CLTC: variants seen among roughly 807,000 people sequenced by gnomAD.
CLTC encodes the protein clathrin heavy chain 1.
Under a neutral mutation model 195.8 loss-of-function variants are expected in CLTC, and 16 were observed. The observed-to-expected ratio is 0.08, with a 90% CI of 0.06 to 0.12. CLTC has a LOEUF of 0.12. CLTC is among the 10% of genes least tolerant of loss of function. The pLI, the probability that CLTC is intolerant of heterozygous loss-of-function variation, is 1.00. For synonymous variants in CLTC, 667 were observed against 689.4 expected (o/e 0.97, Z 0.51); for missense variants, 796 against 2,027.0 (o/e 0.39, Z 11.66).
rs549330807 is a variant in CLTC at position 59,691,636 on chromosome 17, T to A, written c.4903+925T>A. Among the ~76,000 whole-genome samples the A allele has an allele frequency of 1.7e-3, 245 of 146,312 alleles. 1 individual carries two copies. Among genetic ancestry groups the A allele is most frequent in the East Asian group, 5.0e-3 (24 of 4,798 alleles). ...AAGACTCCGCCTTAAAAAAAAAATA[T>A]ATATATATATATACATATATATATA... On this transcript the variant is annotated intron_variant, in intron 31 of 31. Transcript: ENST00000269122.
intron 17 of CLTC, among the ~76,000 whole-genome samples, chr17:59,677,531 C>G (rs1456676588): frequency 6.6e-6 from 1 of 152,168 alleles, no homozygotes; most frequent in Non-Finnish European, 1.5e-5. Context: ...CCTTATACCC[C>G]TTCCGAGTGT....
At chr17:59,656,206 G>C in intron 6 of CLTC, 179 bp downstream of exon 6, 2 of 531,846 alleles carry the variant, frequency 3.8e-6, no homozygotes, top group South Asian at 5.1e-5. Context: ...ATATATCAAA[G>C]CACGATGTAA....
At chr17:59,689,513 C>G (rs976198562) in intron 30 of CLTC, 2 of 151,900 alleles carry the variant, frequency 1.3e-5, no homozygotes, top group African/African-American at 4.8e-5. Context: ...ACCTTGGCCC[C>G]CCGTCTCATG....
chr17:59,645,645 T>C (rs1463922388), intron 2 of CLTC, among the ~76,000 whole-genome samples: 1 of 152,236 alleles, frequency 6.6e-6, no homozygotes, highest in African/African-American at 2.4e-5. Context: ...TTGACTTTTC[T>C]TTACATGATT....
At position 59,681,879 on chromosome 17, in the gene CLTC, G is replaced by T. The variant is rs1006742688; in HGVS notation, c.3442+40G>T. ...CTTATGTATTGAAACCTCATAAAAT[G>T]ATTAAGCTAAGCATTAAGATATCTG... On this transcript the variant is annotated intron_variant, in intron 21 of 31. Transcript: ENST00000269122. This position sits in a 1 kb window ranked among gnomAD's most constrained non-coding sequence, Gnocchi z 5.0. The T allele has an allele frequency of 6.6e-7, 1 of 1,523,830 alleles. No individual in the cohort carries two copies. Among genetic ancestry groups the T allele is most frequent in the South Asian group, 1.2e-5 (1 of 81,964 alleles). 94.4% of individuals were successfully genotyped at this position (1,523,830 alleles called of 1,614,324 possible). A position where few individuals can be genotyped will look rare whatever the true frequency, so the allele number is the denominator to read the frequency against.
chr17:59,629,696 A>G (rs2031656115), intron 1 of CLTC, among the ~76,000 whole-genome samples: 1 of 151,300 alleles, frequency 6.6e-6, no homozygotes, highest in Admixed American at 6.6e-5. Context: ...GATTTTTGTA[A>G]TTTTAGTACA....
chr17:59,644,125 C>T (rs2032120968), intron 1 of CLTC, 151 bp from the exon 2 acceptor site: 2 of 630,914 alleles, frequency 3.2e-6, no homozygotes, highest in East Asian at 5.5e-5. Context: ...CAATACTTGG[C>T]TATTAATAGT....
chr17:59,631,106 AC>A (rs2031701700), intron 1 of CLTC, among the ~76,000 whole-genome samples: 1 of 152,158 alleles, frequency 6.6e-6, no homozygotes, highest in Admixed American at 6.5e-5. Context: ...GAAAATAAGT[AC>A]CTTATTTGGG....
rs768640375 is a variant in CLTC at position 59,619,941 on chromosome 17, C to G, written c.-191C>G. On this transcript the variant is annotated 5_prime_UTR_variant, in exon 1 of 32. Coordinates refer to ENST00000269122, the MANE Select transcript of CLTC (RefSeq NM_004859.4). ...TGCGCCCGGTTCCGCCATTGCGGCTCTCCTGGCCCCTGGAGCCTCCGCCCC... is the reference window on the plus strand; with the variant it reads ...TGCGCCCGGTTCCGCCATTGCGGCTGTCCTGGCCCCTGGAGCCTCCGCCCC... The G allele has an allele frequency of 3.4e-5, 20 of 579,926 alleles. No individual in the cohort carries two copies. Among genetic ancestry groups the G allele is most frequent in the Non-Finnish European group, 6.2e-5 (20 of 325,022 alleles). 35.9% of individuals were successfully genotyped at this position (579,926 alleles called of 1,614,324 possible). A position where few individuals can be genotyped will look rare whatever the true frequency, so the allele number is the denominator to read the frequency against.
In CLTC at chr17:59,620,079, C is replaced by A; in HGVS notation, c.-53C>A. 1 of 1,578,374 alleles carries A rather than the reference C, an allele frequency of 6.3e-7. No individual in the cohort carries two copies. Among genetic ancestry groups the A allele is most frequent in the Non-Finnish European group, 8.7e-7 (1 of 1,148,036 alleles). On this transcript the variant is annotated 5_prime_UTR_variant, in exon 1 of 32. Coordinates refer to ENST00000269122, the MANE Select transcript of CLTC (RefSeq NM_004859.4). ...CCTCTCCCTTGGAGAGCCCGGGCAG[C>A]CACTGCCCCGCAGCCCCAGTGACAG...
intron 15 of CLTC, among the ~76,000 whole-genome samples, chr17:59,674,133 G>A (rs1451111776): frequency 2.0e-5 from 3 of 151,952 alleles, no homozygotes; most frequent in South Asian, 2.1e-4. Context: ...CTAGCAAGCC[G>A]ACTCAGGGAA....
intron 7 of CLTC, 87 bp from the exon 8 acceptor site, chr17:59,661,347 GGTGTTTAGT>G: frequency 1.1e-6 from 1 of 888,006 alleles, no homozygotes. Flanking sequence ...ATCTCTACAG[GGTGTTTAGT>G]GTGATGTTTG....
intron 31 of CLTC, among the ~76,000 whole-genome samples, chr17:59,691,643 A>C (rs935463964): frequency 6.8e-6 from 1 of 147,610 alleles, no homozygotes; most frequent in African/African-American, 2.5e-5. Flanking sequence ...ATATATATAT[A>C]TATATACATA....
intron 30 of CLTC, chr17:59,690,125 C>T (rs1223164260): frequency 6.6e-6 from 1 of 152,254 alleles, no homozygotes; most frequent in Non-Finnish European, 1.5e-5. Context: ...AATATGGAGC[C>T]ACTTGAATCT....
At position 59,683,400 on chromosome 17, in the gene CLTC, C is replaced by T; in HGVS notation, c.4055C>T (p.Ala1352Val). Residue 1352 changes from alanine (A) to valine (V), a missense_variant, in exon 26 of 32, where the codon GCA becomes GTA. Coordinates refer to ENST00000269122, the MANE Select transcript of CLTC (RefSeq NM_004859.4). The surrounding 1 kb of genome is among the most constrained non-coding windows in gnomAD (Gnocchi z 6.1). ...TTTCTTATGCAGGTGCTAAGAGCTG[C>T]AGAACAAGCTCATCTTTGGGCAGAA... ...RVNIPKVLRA[A>V]EQAHLWAELV... 1 of 1,612,582 alleles carries T rather than the reference C, an allele frequency of 6.2e-7. No homozygotes were observed. The highest frequency in any genetic ancestry group is 8.5e-7 in the Non-Finnish European group (1 of 1,179,330).
intron 7 of CLTC, among the ~76,000 whole-genome samples, 167 bp downstream of exon 7, chr17:59,660,755 G>T (rs2032589741): frequency 6.6e-6 from 1 of 152,098 alleles, no homozygotes; most frequent in African/African-American, 2.4e-5. Flanking sequence ...TCTAGATTTG[G>T]TTAATTTTCT....
At chr17:59,673,527 C>T (rs2032900014) in intron 14 of CLTC, 120 bp from the exon 15 acceptor site, 1 of 700,134 alleles carries the variant, frequency 1.4e-6, no homozygotes, top group Non-Finnish European at 2.4e-6. Context: ...CTTTCTTTAA[C>T]AGAAGAGCTA....
At chr17:59,677,575 A>T (rs1435419650) in intron 17 of CLTC, among the ~76,000 whole-genome samples, 1 of 152,188 alleles carries the variant, frequency 6.6e-6, no homozygotes, top group Non-Finnish European at 1.5e-5. Flanking sequence ...TCTTTCATTA[A>T]CCACATGAAA....
In CLTC at chr17:59,681,760, G is replaced by T; in HGVS notation, c.3363G>T (p.Val1121=). ...LAKAQLQKGM[V]KEAIDSYIKA... ...AAGCCCAGTTGCAGAAAGGAATGGT[G>T]AAAGAAGCCATTGATTCTTATATCA... Residue 1121 remains valine (V), a synonymous_variant, in exon 21 of 32, where the codon GTG becomes GTT. Transcript: ENST00000269122. This position sits in a 1 kb window ranked among gnomAD's most constrained non-coding sequence, Gnocchi z 5.0. The T allele has an allele frequency of 1.2e-6, 2 of 1,614,098 alleles. No individual in the cohort carries two copies. The highest frequency in any genetic ancestry group is 1.7e-6 in the Non-Finnish European group (2 of 1,179,954).
Sources: gnomAD v4.1 joint callset for allele counts (sites outside exome capture counted in the v4.1 genomes callset) on GRCh38, gnomAD v4.1.1 for gene constraint, Gnocchi (gnomAD v3.1) non-coding constraint, MANE v1.5 for transcripts, NCBI Gene and HGNC (gene_info 2026-07-23, HGNC 2026-07-21) for gene names.